Variants in NAA50 observed in about 807,000 individuals in gnomAD.
NAA50 encodes N-alpha-acetyltransferase 50.
A neutral mutation model predicts 20.7 loss-of-function variants in NAA50; 7 were observed. The ratio of observed to expected loss-of-function variants is 0.34; its 90% CI spans 0.19 to 0.63. NAA50 has a LOEUF of 0.63. Ranked by LOEUF, NAA50 falls within the 30% of genes least tolerant of loss-of-function variation. The pLI, the probability that NAA50 is intolerant of heterozygous loss-of-function variation, is 0.75. For missense variants in NAA50, 111 were observed against 199.1 expected, an observed-to-expected ratio of 0.56 and a Z score of 2.66; for synonymous variants, 54 against 70.6, an observed-to-expected ratio of 0.77 and a Z score of 1.18.
At position 113,721,744 on chromosome 3, in the gene NAA50, T is replaced by C. The variant is rs538959642; in HGVS notation, c.*16A>G. ...TTGGCGACAAGCAAGTGCAAGAAAG[T>C]TCATTTGTAATTTGTTCAGTTGTCT... On this transcript the variant is annotated 3_prime_UTR_variant, in exon 5 of 5. Coordinates refer to ENST00000240922, the MANE Select transcript of NAA50 (RefSeq NM_025146.4). The C allele has an allele frequency of 4.0e-5, 65 of 1,613,388 alleles. No individual in the cohort carries two copies. Among genetic ancestry groups the C allele is most frequent in the Non-Finnish European group, 5.1e-5 (60 of 1,179,596 alleles).
chr3:113,742,625 C>T (rs996864297), intron 1 of NAA50, among the ~76,000 whole-genome samples: 14 of 152,106 alleles, frequency 9.2e-5, no homozygotes, highest in Non-Finnish European at 1.9e-4. Flanking sequence ...CATATGCTGT[C>T]AGAGGTAACC....
chr3:113,718,929 T>C lies in NAA50; in HGVS notation c.*2831A>G, dbSNP rs1708097878. 6.6e-6 allele frequency: 1 copy of C among 152,654 alleles called. No homozygotes were observed. The highest frequency in any genetic ancestry group is 2.1e-4 in the South Asian group (1 of 4,834). 9.5% of individuals were successfully genotyped at this position (152,654 alleles called of 1,614,324 possible). A position where few individuals can be genotyped will look rare whatever the true frequency, so the allele number is the denominator to read the frequency against. ...TAAGGGAAACACTACACAATGAGTA[T>C]GTACGGTTGCTGGCTGCAGAATTCA... On this transcript the variant is annotated 3_prime_UTR_variant, in exon 5 of 5. Coordinates refer to ENST00000240922, the MANE Select transcript of NAA50 (RefSeq NM_025146.4).
chr3:113,726,095 T>C (rs920728485), intron 1 of NAA50, among the ~76,000 whole-genome samples: 1 of 152,210 alleles, frequency 6.6e-6, no homozygotes, highest in African/African-American at 2.4e-5. Context: ...CTAATCTGTA[T>C]TATTTGTTGC....
intron 1 of NAA50, among the ~76,000 whole-genome samples, chr3:113,730,072 G>A (rs1237547930): frequency 6.6e-6 from 1 of 152,000 alleles, no homozygotes. Context: ...GGCTGACTCG[G>A]GTGGATCACT....
intron 1 of NAA50, 175 bp downstream of exon 1, chr3:113,745,767 C>CA: frequency 1.3e-6 from 1 of 761,734 alleles, no homozygotes; most frequent in Non-Finnish European, 2.0e-6. Flanking sequence ...AGCCCGCCAA[C>CA]AGCCCGAGCC....
rs1439169751 is a variant in NAA50, at chr3:113,717,888, G to A, written c.*3872C>T. 1 of 152,206 alleles carries A rather than the reference G, an allele frequency of 6.6e-6. No homozygotes were observed. Among genetic ancestry groups the A allele is most frequent in the African/African-American group, 2.4e-5 (1 of 41,408 alleles). 9.4% of individuals were successfully genotyped at this position (152,206 alleles called of 1,614,324 possible). A position where few individuals can be genotyped will look rare whatever the true frequency, so the allele number is the denominator to read the frequency against. The stretch of plus-strand genomic sequence containing the variant: ...CTAACCAAAACTACCCTGACCTTGG[G>A]AGTCAACGAAGCCCAGCATCTTCTC... On this transcript the variant is annotated 3_prime_UTR_variant, in exon 5 of 5. Transcript: ENST00000240922.
rs1016326448 is a variant in NAA50 at position 113,718,498 on chromosome 3, A to G, written c.*3262T>C. 1.3e-5 allele frequency: 2 copies of G among 152,250 alleles called. No individual in the cohort carries two copies. The highest frequency in any genetic ancestry group is 4.8e-5 in the African/African-American group (2 of 41,480). 9.4% of individuals were successfully genotyped at this position (152,250 alleles called of 1,614,324 possible). ...ATGAAAAAAGCAAAAATCTAATTAT[A>G]ACAATTTTGACTAGAAATATTAAAT... is the stretch of plus-strand genomic sequence containing the variant. On this transcript the variant is annotated 3_prime_UTR_variant, in exon 5 of 5. Coordinates refer to ENST00000240922, the MANE Select transcript of NAA50 (RefSeq NM_025146.4).
At chr3:113,730,159 G>C in intron 1 of NAA50, among the ~76,000 whole-genome samples, 1 of 152,044 alleles carries the variant, frequency 6.6e-6, no homozygotes, top group East Asian at 1.9e-4. Flanking sequence ...AAATTAGCCA[G>C]GTGTGGTGGC....
chr3:113,721,639 A>G lies in NAA50; in HGVS notation c.*121T>C, dbSNP rs1708136956. On this transcript the variant is annotated 3_prime_UTR_variant, in exon 5 of 5. Transcript: ENST00000240922. ...CTCAGAGAAAAGGAAAGGAAGAAAG[A>G]AAAACAAGAACAAGGAGGGAGAAAA... 4.9e-6 allele frequency: 5 copies of G among 1,013,222 alleles called. No individual in the cohort carries two copies. In the East Asian group the frequency reaches 1.2e-4, roughly 25 times the overall value. The allele number at this position is 1,013,222 out of a possible 1,614,324, so 62.8% of individuals were successfully genotyped here.
At position 113,744,084 on chromosome 3, in the gene NAA50, C is replaced by T. The variant is rs904155708; in HGVS notation, c.8+1858G>A. On this transcript the variant is annotated intron_variant, in intron 1 of 4. Transcript: ENST00000240922. ...CTGGGAACTCTTCAGCCTCATTTTT[C>T]TTACTTAACAGAACATGACAAACAA... Among the ~76,000 whole-genome samples the T allele has an allele frequency of 1.6e-4, 25 of 152,224 alleles. 1 individual carries two copies. Among genetic ancestry groups the T allele is most frequent in the Middle Eastern group, 3.4e-3 (1 of 294 alleles).
chr3:113,722,396 T>G (rs1708146565), intron 4 of NAA50, among the ~76,000 whole-genome samples: 3 of 152,168 alleles, frequency 2.0e-5, no homozygotes, highest in Admixed American at 2.0e-4. Context: ...CACTGTATAA[T>G]TCAATCTCTC....
intron 1 of NAA50, among the ~76,000 whole-genome samples, chr3:113,734,883 G>T (rs1708319812): frequency 6.6e-6 from 1 of 152,036 alleles, no homozygotes; most frequent in Non-Finnish European, 1.5e-5. Flanking sequence ...AGGTATGAAT[G>T]GGCAATTTTA....
At chr3:113,741,713 T>G (rs904624426) in intron 1 of NAA50, among the ~76,000 whole-genome samples, 1 of 152,170 alleles carries the variant, frequency 6.6e-6, no homozygotes, top group African/African-American at 2.4e-5. Context: ...CTAAGTGACT[T>G]TAAAAAATCT....
intron 1 of NAA50, among the ~76,000 whole-genome samples, chr3:113,735,483 G>C (rs1052120828): frequency 1.3e-5 from 2 of 152,182 alleles, no homozygotes; most frequent in Non-Finnish European, 2.9e-5. Context: ...CATAGAGAAC[G>C]GGTCATTGGA....
chr3:113,723,579 C>G, intron 2 of NAA50, 38 bp from the exon 3 acceptor site: 2 of 1,556,912 alleles, frequency 1.3e-6, no homozygotes, highest in South Asian at 1.2e-5. Flanking sequence ...GTTGAACAGA[C>G]AGAATAACAC....
At chr3:113,733,853 C>CA (rs58431115) in intron 1 of NAA50, among the ~76,000 whole-genome samples, 4,508 of 65,544 alleles carry the variant, frequency 0.069, 170 homozygotes, top group African/African-American at 0.14. Context: ...ACTCTGTCTC[C>CA]AAAAAAAAAA....
Position 113,717,842 on chromosome 3 carries a change from T to A in NAA50, c.*3918A>T, listed in dbSNP as rs1408563723. 1 of 152,208 alleles carries A rather than the reference T, an allele frequency of 6.6e-6. No homozygotes were observed. Among genetic ancestry groups the A allele is most frequent in the Admixed American group, 6.6e-5 (1 of 15,260 alleles). The allele number at this position is 152,208 out of a possible 1,614,324, so 9.4% of individuals were successfully genotyped here. ...CCCTCATTTAGAAAACTACTCCTTT[T>A]AGAGACTAATAAAACACAACCTAAC... On this transcript the variant is annotated 3_prime_UTR_variant, in exon 5 of 5. Coordinates refer to ENST00000240922, the MANE Select transcript of NAA50 (RefSeq NM_025146.4).
intron 1 of NAA50, among the ~76,000 whole-genome samples, chr3:113,745,192 G>C (rs897766893): frequency 3.3e-5 from 5 of 152,166 alleles, no homozygotes; most frequent in Non-Finnish European, 7.3e-5. Context: ...TTACGTAAGA[G>C]GCAAACGGTG....
In NAA50 at chr3:113,718,580, C is replaced by T. The variant is rs189684140; in HGVS notation, c.*3180G>A. On this transcript the variant is annotated 3_prime_UTR_variant, in exon 5 of 5. Coordinates refer to ENST00000240922, the MANE Select transcript of NAA50 (RefSeq NM_025146.4). ...TCATGTTTGATAAAAAGCTTAAAAG[C>T]CAATTCCCAACTCATTGAACTACCG... 6.6e-5 allele frequency: 10 copies of T among 152,238 alleles called. No individual in the cohort carries two copies. The highest frequency in any genetic ancestry group is 1.2e-4 in the African/African-American group (5 of 41,544). The allele number at this position is 152,238 out of a possible 1,614,324, so 9.4% of individuals were successfully genotyped here.
Sources: gnomAD v4.1 joint callset for allele counts (sites outside exome capture counted in the v4.1 genomes callset) on GRCh38, gnomAD v4.1.1 for gene constraint, MANE v1.5 for transcripts, NCBI Gene and HGNC (gene_info 2026-07-23, HGNC 2026-07-21) for gene names.